Variants in KALRN observed in about 807,000 individuals in gnomAD.
KALRN encodes kalirin RhoGEF kinase, also known as kalirin.
KALRN carries 70 observed loss-of-function variants against 353.7 expected under a neutral mutation model. The observed-to-expected ratio is 0.20, with a 90% CI of 0.16 to 0.24. KALRN has a LOEUF of 0.24. Among genes scored for constraint, KALRN ranks in the 10% least tolerant of loss-of-function variants. The pLI is 1.00. For synonymous variants in KALRN, 1,391 were observed against 1,434.8 expected (o/e 0.97, Z 0.69); for missense variants, 2,791 against 3,756.7 (o/e 0.74, Z 6.72).
chr3:124,446,544 C>T (rs1345336327), intron 20 of KALRN, among the ~76,000 whole-genome samples: 7 of 152,192 alleles, frequency 4.6e-5, no homozygotes, highest in Admixed American at 4.6e-4. Context: ...CTAGAAGAGT[C>T]CTCAGTCTAC....
At chr3:124,429,941 T>C (rs1289685092) in intron 15 of KALRN, among the ~76,000 whole-genome samples, 1 of 152,202 alleles carries the variant, frequency 6.6e-6, no homozygotes, top group African/African-American at 2.4e-5. Flanking sequence ...CTCTTGGTTA[T>C]TTTGCAAGGT....
At chr3:124,660,184 T>C (rs231602) in intron 43 of KALRN, among the ~76,000 whole-genome samples, 91,820 of 151,954 alleles carry the variant, frequency 0.6, 28,531 homozygotes, top group African/African-American at 0.75. Flanking sequence ...CCTCCCACCT[T>C]GGCCTCCCAA....
At chr3:124,092,351 C>G (rs1009436934) in intron 1 of KALRN, among the ~76,000 whole-genome samples, 29 of 152,330 alleles carry the variant, frequency 1.9e-4, no homozygotes, top group African/African-American at 6.5e-4. Flanking sequence ...GTCTAGGTCT[C>G]CTGCCATGAT....
At chr3:124,293,363 G>A (rs1461302987) in intron 5 of KALRN, among the ~76,000 whole-genome samples, 1 of 152,004 alleles carries the variant, frequency 6.6e-6, no homozygotes, top group African/African-American at 2.4e-5. Flanking sequence ...GCTAAATTTG[G>A]CAAATGAAGG....
intron 27 of KALRN, among the ~76,000 whole-genome samples, chr3:124,481,769 C>T (rs1253309598): frequency 1.3e-5 from 2 of 152,096 alleles, no homozygotes; most frequent in Non-Finnish European, 2.9e-5. Flanking sequence ...TTTACTTAAC[C>T]CACCCCCACT....
In KALRN at chr3:124,700,136, G is replaced by C. The variant is rs977123285; in HGVS notation, c.7996+103G>C. On this transcript the variant is annotated intron_variant, in intron 56 of 59. Coordinates refer to ENST00000682506, the MANE Select transcript of KALRN (RefSeq NM_001388419.1). ...GTTGACATGTCAGGCCACCATGCAA[G>C]AGGCACCTTTTAGAGGACTAAGAAG... 1.9e-5 allele frequency: 21 copies of C among 1,093,762 alleles called. No individual in the cohort carries two copies. The African/African-American group carries it at 3.1e-4, about 16-fold the overall frequency. The allele number at this position is 1,093,762 out of a possible 1,614,324, so 67.8% of individuals were successfully genotyped here.
intron 33 of KALRN, among the ~76,000 whole-genome samples, chr3:124,522,875 G>T (rs73189510): frequency 0.088 from 13,424 of 152,138 alleles, 1,228 homozygotes; most frequent in East Asian, 0.49. Context: ...TTTAAAAATT[G>T]GACTATTTTT....
chr3:124,312,505 AAAAAG>A (rs566665767), intron 6 of KALRN, among the ~76,000 whole-genome samples: 9 of 152,358 alleles, frequency 5.9e-5, no homozygotes, highest in South Asian at 2.1e-4. Context: ...TATGTTGAAA[AAAAAG>A]AAAAGAAGAC....
chr3:124,474,852 C>A (rs980379793), intron 26 of KALRN, 120 bp downstream of exon 26: 4 of 796,638 alleles, frequency 5.0e-6, no homozygotes, highest in Non-Finnish European at 8.9e-6. Flanking sequence ...TGAGAGGGAC[C>A]ATGAGTAGGT....
intron 1 of KALRN, among the ~76,000 whole-genome samples, chr3:124,091,813 A>G (rs1295174882): frequency 6.6e-6 from 1 of 152,214 alleles, no homozygotes; most frequent in Non-Finnish European, 1.5e-5. Context: ...ATAAGACAAA[A>G]CAAAAACAAC....
intron 1 of KALRN, among the ~76,000 whole-genome samples, chr3:124,134,212 C>A (rs1014328649): frequency 1.8e-4 from 27 of 152,042 alleles, no homozygotes; most frequent in Admixed American, 1.6e-3. Flanking sequence ...AATAGAGAAC[C>A]CAGAAATAAA....
chr3:124,312,882 A>G (rs1304163991), intron 6 of KALRN, among the ~76,000 whole-genome samples: 1 of 152,010 alleles, frequency 6.6e-6, no homozygotes, highest in East Asian at 1.9e-4. Context: ...TCACAGCTGT[A>G]TCTGCAGAAA....
intron 54 of KALRN, 109 bp downstream of exon 54, chr3:124,696,364 A>G (rs2062050397): frequency 9.9e-7 from 1 of 1,013,144 alleles, no homozygotes; most frequent in Middle Eastern, 3.2e-4. Context: ...TTGACCTCCC[A>G]GGCTCAAGCA....
chr3:124,596,957 G>A (rs1186764171), intron 34 of KALRN, among the ~76,000 whole-genome samples: 2 of 152,052 alleles, frequency 1.3e-5, no homozygotes, highest in Admixed American at 6.6e-5. Flanking sequence ...ACTGAGGCGT[G>A]AGAATCCTTG....
rs2080215794 is a variant in KALRN, at chr3:124,239,735, G to C, written c.263+4792G>C. On this transcript the variant is annotated intron_variant, in intron 3 of 59. Coordinates refer to ENST00000682506, the MANE Select transcript of KALRN (RefSeq NM_001388419.1). ...CAGGAAGACAGCTGAAAGAAGAGGGGTAAAAACTGCAAGGGTTTCCTGCCT... is the reference window on the plus strand; with the variant it reads ...CAGGAAGACAGCTGAAAGAAGAGGGCTAAAAACTGCAAGGGTTTCCTGCCT... Among the ~76,000 whole-genome samples the C allele has an allele frequency of 5.3e-5, 8 of 152,310 alleles. No individual in the cohort carries two copies. The South Asian group carries it at 1.7e-3, about 32-fold the overall frequency.
intron 1 of KALRN, among the ~76,000 whole-genome samples, chr3:124,111,899 C>T (rs2063011688): frequency 1.3e-5 from 2 of 152,116 alleles, no homozygotes; most frequent in African/African-American, 4.8e-5. Flanking sequence ...GCATATTGTA[C>T]AAAATAGGAA....
intron 57 of KALRN, among the ~76,000 whole-genome samples, chr3:124,707,838 G>A (rs1197594778): frequency 6.6e-6 from 1 of 152,166 alleles, no homozygotes; most frequent in Non-Finnish European, 1.5e-5. Flanking sequence ...AATCTCAGGA[G>A]AAAGCAAAAG....
At chr3:124,257,282 G>A (rs187708702) in intron 3 of KALRN, among the ~76,000 whole-genome samples, 98 of 152,340 alleles carry the variant, frequency 6.4e-4, no homozygotes, top group Non-Finnish European at 1.2e-3. Flanking sequence ...GTGCTTAACT[G>A]TTGTCCTTGG....
intron 10 of KALRN, among the ~76,000 whole-genome samples, chr3:124,378,354 CAT>C (rs1425397456): frequency 6.6e-6 from 1 of 152,028 alleles, no homozygotes. Flanking sequence ...GTGCTGTTGT[CAT>C]ATACCTTACT....
Sources: allele counts gnomAD v4.1 joint callset (sites outside exome capture counted in the v4.1 genomes callset), GRCh38; gene constraint gnomAD v4.1.1; transcripts MANE v1.5; gene names NCBI Gene and HGNC (gene_info 2026-07-23, HGNC 2026-07-21).